ADGRV1: variants seen among roughly 807,000 people sequenced by gnomAD.
ADGRV1 encodes the protein G-protein coupled receptor 98.
Under a neutral mutation model 596.2 loss-of-function variants are expected in ADGRV1, and 359 were observed. The ratio of observed to expected loss-of-function variants is 0.60; its 90% CI spans 0.55 to 0.66. The LOEUF (loss-of-function observed/expected upper bound fraction) is 0.66, where lower values mean the gene tolerates loss of function less well. Ranked by LOEUF, ADGRV1 falls within the 30% of genes least tolerant of loss-of-function variation. ADGRV1 has a pLI of 0.00. For missense variants in ADGRV1, 7,274 were observed against 7,575.6 expected (o/e 0.96, Z 1.48); for synonymous variants, 2,681 against 2,679.2 (o/e 1.00, Z -0.02).
chr5:90,872,187 G>A (rs906856947), intron 83 of ADGRV1, among the ~76,000 whole-genome samples: 2 of 152,102 alleles, frequency 1.3e-5, no homozygotes, highest in African/African-American at 4.8e-5. Context: ...CTGTAACTGT[G>A]CCTTTCCTTG....
At chr5:90,976,298 A>ATGTGTGTG (rs752233519) in intron 84 of ADGRV1, among the ~76,000 whole-genome samples, 72 of 118,972 alleles carry the variant, frequency 6.1e-4, no homozygotes, top group Non-Finnish European at 8.4e-4. Flanking sequence ...GTGTGTGTAT[A>ATGTGTGTG]TGTGTGTGTG....
intron 4 of ADGRV1, among the ~76,000 whole-genome samples, chr5:90,619,813 C>T (rs2152060019): frequency 1.4e-5 from 2 of 147,894 alleles, no homozygotes; most frequent in Middle Eastern, 6.9e-3. Context: ...CATGTGTTCT[C>T]ATTGTTCAAT....
intron 84 of ADGRV1, among the ~76,000 whole-genome samples, chr5:90,970,140 C>T (rs1581664567): frequency 6.6e-6 from 1 of 152,342 alleles, no homozygotes; most frequent in Non-Finnish European, 1.5e-5. Flanking sequence ...GCACAGCAGT[C>T]TGAGATCGAA....
At position 90,763,465 on chromosome 5, in the gene ADGRV1, A is replaced by G. The variant is rs759924919; in HGVS notation, c.12281A>G (p.Asp4094Gly). The change falls in exon 59 of 90, where the codon GAT becomes GGT. Residue 4094 changes from aspartate (D) to glycine (G), a missense_variant. By Grantham distance (94) the Asp-to-Gly change is moderately conservative (BLOSUM62 -1). Coordinates refer to ENST00000405460, the MANE Select transcript of ADGRV1 (RefSeq NM_032119.4). ...CCTTTGAATGGGACCCTTCATTTTG[A>G]TGAGGTATAGTCAGCATTAGCACTC... ...LSPLNGTLHF[D>G]ETESQKTIVL... 2.4e-5 allele frequency: 39 copies of G among 1,611,900 alleles called. No homozygotes were observed. Among genetic ancestry groups the G allele is most frequent in the Admixed American group, 3.3e-5 (2 of 59,960 alleles).
At chr5:90,823,947 A>G (rs537570609) in intron 76 of ADGRV1, among the ~76,000 whole-genome samples, 2 of 152,318 alleles carry the variant, frequency 1.3e-5, no homozygotes, top group Admixed American at 1.3e-4. Context: ...TCCTACTTAC[A>G]TACAAAGAAA....
At chr5:90,816,526 G>C (rs1189355859) in intron 75 of ADGRV1, among the ~76,000 whole-genome samples, 1 of 151,024 alleles carries the variant, frequency 6.6e-6, no homozygotes, top group African/African-American at 2.4e-5. Context: ...TCATCATTTA[G>C]CATTAGGTAT....
chr5:90,922,280 A>G (rs141670052), intron 83 of ADGRV1, among the ~76,000 whole-genome samples: 2 of 152,102 alleles, frequency 1.3e-5, no homozygotes, highest in East Asian at 3.9e-4. Flanking sequence ...TATCTTTCTA[A>G]AATATTGGTG....
chr5:90,773,450 A>C (rs1020863400), intron 59 of ADGRV1, among the ~76,000 whole-genome samples: 1 of 152,282 alleles, frequency 6.6e-6, no homozygotes, highest in Admixed American at 6.5e-5. Flanking sequence ...GAAAAAATAA[A>C]ATCATTAACA....
rs2149744794 is a variant in ADGRV1, at chr5:90,716,708, A to G, written c.9426A>G (p.Leu3142=). ...CTCCTTCCAAAGGCTATATTGTTTT[A>G]GAAGAAGGTGTTCGATTCAAGGTAC... ...DLTPSKGYIV[L]EEGVRFKALQ... Residue 3142 remains leucine, a synonymous_variant, in exon 43 of 90, where the codon TTA becomes TTG. Coordinates refer to ENST00000405460, the MANE Select transcript of ADGRV1 (RefSeq NM_032119.4). The G allele has an allele frequency of 6.2e-7, 1 of 1,612,522 alleles. No individual in the cohort carries two copies. Among genetic ancestry groups the G allele is most frequent in the Non-Finnish European group, 8.5e-7 (1 of 1,178,606 alleles).
Position 90,823,423 on chromosome 5 carries a change from A to T in ADGRV1, c.16197-2A>T. The stretch of plus-strand genomic sequence containing the variant: ...AGGCATTGGTGGGTTTCTTGCTCAC[A>T]GGGCCTTTGAAGATGTCAAGGTCTT... On this transcript the variant is annotated splice_acceptor_variant, in intron 75 of 89. Coordinates refer to ENST00000405460, the MANE Select transcript of ADGRV1 (RefSeq NM_032119.4). LOFTEE classifies it high-confidence loss of function. The T allele has an allele frequency of 6.2e-7, 1 of 1,613,286 alleles. No homozygotes were observed. Among genetic ancestry groups the T allele is most frequent in the Non-Finnish European group, 8.5e-7 (1 of 1,179,708 alleles).
chr5:90,869,517 TAGGG>T (rs2150489022), intron 83 of ADGRV1, among the ~76,000 whole-genome samples: 1 of 152,186 alleles, frequency 6.6e-6, no homozygotes, highest in African/African-American at 2.4e-5. Flanking sequence ...AGACTCTAAT[TAGGG>T]AGAGTAGAGA....
At chr5:90,783,071 A>G (rs1759027040) in intron 65 of ADGRV1, 53 bp from the exon 66 acceptor site, 3 of 1,449,708 alleles carry the variant, frequency 2.1e-6, no homozygotes, top group African/African-American at 1.4e-5. Context: ...GCTGAATCTT[A>G]TAAGTTAGTT....
intron 58 of ADGRV1, 88 bp downstream of exon 58, chr5:90,759,676 G>A (rs886253011): frequency 7.9e-7 from 1 of 1,258,490 alleles, no homozygotes; most frequent in Non-Finnish European, 1.1e-6. Flanking sequence ...TTTTGTTTTG[G>A]AAGTCTTGGC....
chr5:91,100,171 C>G (rs192409479), intron 86 of ADGRV1, among the ~76,000 whole-genome samples: 9 of 152,282 alleles, frequency 5.9e-5, no homozygotes, highest in Admixed American at 5.2e-4. Flanking sequence ...CCAGTAATCC[C>G]AGCACTTTGG....
chr5:90,826,675 A>G (rs1406442035), intron 76 of ADGRV1, among the ~76,000 whole-genome samples: 3 of 152,042 alleles, frequency 2.0e-5, no homozygotes, highest in African/African-American at 4.8e-5. Flanking sequence ...TGACTTGAGT[A>G]ATAACTACAT....
rs187577783 is a variant in ADGRV1, at chr5:90,787,637, G to A, written c.13654-434G>A. ...ATGGAGTTTCGCTCTTTGTTGCCTA[G>A]GCTGGAGTGCAGTGGCGTGATCTTG... On this transcript the variant is annotated intron_variant, in intron 67 of 89. Coordinates refer to ENST00000405460, the MANE Select transcript of ADGRV1 (RefSeq NM_032119.4). Among the ~76,000 whole-genome samples the A allele has an allele frequency of 1.5e-4, 21 of 139,346 alleles. No homozygotes were observed. In the East Asian group the frequency reaches 4.4e-3, roughly 29 times the overall value. 91.4% of individuals were successfully genotyped at this position (139,346 alleles called of 152,430 possible).
intron 86 of ADGRV1, among the ~76,000 whole-genome samples, chr5:91,094,461 TAAAAA>T (rs533784886): frequency 7.7e-6 from 1 of 129,168 alleles, no homozygotes; most frequent in African/African-American, 2.8e-5. Flanking sequence ...TCCTTCTATG[TAAAAA>T]AAAAAAAAAA....
At chr5:90,639,198 G>A (rs550827242) in intron 11 of ADGRV1, among the ~76,000 whole-genome samples, 2 of 152,080 alleles carry the variant, frequency 1.3e-5, no homozygotes, top group East Asian at 3.9e-4. Flanking sequence ...GAAAAAATCA[G>A]TAAAATGTAA....
At chr5:91,149,661 C>T (rs971783300) in intron 87 of ADGRV1, among the ~76,000 whole-genome samples, 8 of 151,740 alleles carry the variant, frequency 5.3e-5, no homozygotes, top group Admixed American at 3.9e-4. Context: ...ATGAAACCCC[C>T]GTCTCTACTA....
Sources: gnomAD v4.1 joint callset for allele counts (sites outside exome capture counted in the v4.1 genomes callset) on GRCh38, gnomAD v4.1.1 for gene constraint, MANE v1.5 for transcripts, NCBI Gene and HGNC (gene_info 2026-07-23, HGNC 2026-07-21) for gene names.